Variants in NGEF observed in about 807,000 individuals in gnomAD.
The protein encoded by NGEF is neuronal guanine nucleotide exchange factor.
NGEF carries 31 observed loss-of-function variants against 80.9 expected under a neutral mutation model. That is an observed-to-expected ratio of 0.38 (90% CI 0.29 to 0.52). NGEF has a LOEUF of 0.52. NGEF is among the 20% of genes least tolerant of loss of function. NGEF has a pLI of 0.84. For missense variants in NGEF, 709 were observed against 926.2 expected, an observed-to-expected ratio of 0.77 and a Z score of 3.04; for synonymous variants, 371 against 370.2, an observed-to-expected ratio of 1.00 and a Z score of -0.03.
chr2:232,891,568 C>T, intron 7 of NGEF, 81 bp from the exon 8 acceptor site: 2 of 1,483,002 alleles, frequency 1.3e-6, no homozygotes, highest in South Asian at 2.7e-5. Context: ...TCCACAGCCT[C>T]CCAGGATCCA....
At chr2:232,981,133 C>T (rs1253186496) in intron 1 of NGEF, among the ~76,000 whole-genome samples, 1 of 94,414 alleles carries the variant, frequency 1.1e-5, no homozygotes, top group Non-Finnish European at 2.2e-5. Context: ...TCCCCAGGGC[C>T]GAGGGCCTCC....
At chr2:232,949,356 A>C (rs1693628422) in intron 3 of NGEF, among the ~76,000 whole-genome samples, 1 of 152,194 alleles carries the variant, frequency 6.6e-6, no homozygotes, top group South Asian at 2.1e-4. Context: ...CTGATTTCTG[A>C]GTATCTTCTC....
chr2:232,900,681 GTCAC>G (rs1473833436), intron 5 of NGEF, among the ~76,000 whole-genome samples: 2 of 99,042 alleles, frequency 2.0e-5, no homozygotes, highest in African/African-American at 9.4e-5. Flanking sequence ...CACGCTCTCA[GTCAC>G]TCATATACAC....
chr2:232,942,872 G>GGC (rs1693467823), intron 3 of NGEF, among the ~76,000 whole-genome samples: 1 of 135,074 alleles, frequency 7.4e-6, no homozygotes, highest in African/African-American at 2.7e-5. Context: ...TTTCCGGGGG[G>GGC]GAGTCAGTTT....
chr2:232,962,349 C>G (rs1429439266), intron 3 of NGEF, among the ~76,000 whole-genome samples: 1 of 152,140 alleles, frequency 6.6e-6, no homozygotes, highest in Non-Finnish European at 1.5e-5. Flanking sequence ...CCAGCCTGGT[C>G]AACATGGTGA....
At position 232,885,317 on chromosome 2, in the gene NGEF, A is replaced by G. The variant is rs369986799; in HGVS notation, c.1400T>C (p.Met467Thr). Reference protein sequence around the residue: ...GVRKMSRTEQMISIQKKMEFK... With the variant: ...GVRKMSRTEQTISIQKKMEFK... The stretch of plus-strand genomic sequence containing the variant: ...CTCCATCTTCTTCTGAATGCTGATC[A>G]TCTGTTCCGTGCGGCTCATTTTCCT... Residue 467 changes from methionine to threonine, a missense_variant, in exon 10 of 15, where the codon ATG becomes ACG. Coordinates refer to ENST00000264051, the MANE Select transcript of NGEF (RefSeq NM_019850.3). The G allele has an allele frequency of 2.9e-5, 47 of 1,614,014 alleles. No homozygotes were observed. The highest frequency in any genetic ancestry group is 3.6e-5 in the Non-Finnish European group (43 of 1,180,034).
intron 1 of NGEF, among the ~76,000 whole-genome samples, chr2:232,997,111 C>T (rs1425028092): frequency 3.3e-5 from 5 of 151,656 alleles, no homozygotes; most frequent in African/African-American, 7.3e-5. Context: ...CTCTCAGTGC[C>T]GTGTGGCAGT....
At position 232,970,026 on chromosome 2, in the gene NGEF, A is replaced by G. The variant is rs550291681; in HGVS notation, c.383+188T>C. ...CCCACAAATATTTTTTTAAAAAATT[A>G]CTGTACAAAACAAAAGTTTTTTTTA... is the stretch of plus-strand genomic sequence containing the variant. On this transcript the variant is annotated intron_variant, in intron 3 of 14. Transcript: ENST00000264051. 1.6e-3 allele frequency: 567 copies of G among 351,824 alleles called. 1 individual carries two copies. Among genetic ancestry groups the G allele is most frequent in the African/African-American group, 0.011 (530 of 46,336 alleles). The allele number at this position is 351,824 out of a possible 1,614,324, so 21.8% of individuals were successfully genotyped here.
At chr2:232,911,712 T>G (rs1267835430) in intron 5 of NGEF, among the ~76,000 whole-genome samples, 2 of 152,230 alleles carry the variant, frequency 1.3e-5, no homozygotes, top group East Asian at 3.8e-4. Context: ...AGCACAGAGA[T>G]CCTGTCCATG....
At chr2:232,886,403 TGCTGTGC>T (rs1344477743) in intron 9 of NGEF, among the ~76,000 whole-genome samples, 4 of 151,896 alleles carry the variant, frequency 2.6e-5, no homozygotes, top group Non-Finnish European at 4.4e-5. Flanking sequence ...GGCGTGTATG[TGCTGTGC>T]GTGTGCCGTG....
intron 1 of NGEF, among the ~76,000 whole-genome samples, chr2:233,007,379 ACCCTTTGG>A (rs1354607363): frequency 6.6e-6 from 1 of 152,200 alleles, no homozygotes; most frequent in Non-Finnish European, 1.5e-5. Context: ...TCTAGGAAGA[ACCCTTTGG>A]CCCGCCAGGT....
chr2:232,924,438 T>C (rs1387231900), intron 4 of NGEF, among the ~76,000 whole-genome samples: 2 of 152,062 alleles, frequency 1.3e-5, no homozygotes, highest in Admixed American at 1.3e-4. Flanking sequence ...TTCTGTTGTT[T>C]ATAAGCCATC....
chr2:232,994,280 G>C (rs1574658323), intron 1 of NGEF, among the ~76,000 whole-genome samples: 1 of 151,102 alleles, frequency 6.6e-6, no homozygotes, highest in African/African-American at 2.4e-5. Context: ...TGAGACAGGA[G>C]AATCACTTGA....
chr2:232,886,024 A>G (rs1352479402), intron 9 of NGEF, among the ~76,000 whole-genome samples: 3 of 151,060 alleles, frequency 2.0e-5, no homozygotes, highest in Non-Finnish European at 4.4e-5. Flanking sequence ...CTCCACCTGC[A>G]CTCGAATGCG....
intron 5 of NGEF, among the ~76,000 whole-genome samples, chr2:232,909,335 A>T (rs1692644288): frequency 6.6e-6 from 1 of 152,132 alleles, no homozygotes. Flanking sequence ...TTGGCCCCAA[A>T]CATCTAAATA....
chr2:232,927,958 C>A, intron 3 of NGEF: 2 of 1,324,828 alleles, frequency 1.5e-6, no homozygotes, highest in Non-Finnish European at 1.9e-6. Context: ...TGTCGTGGTC[C>A]ACGGCGCAGG....
At chr2:232,978,128 G>C (rs546015316) in intron 1 of NGEF, among the ~76,000 whole-genome samples, 2 of 151,602 alleles carry the variant, frequency 1.3e-5, no homozygotes, top group South Asian at 4.2e-4. Flanking sequence ...GGGGACCCCC[G>C]GGGCCTCTGT....
At chr2:232,993,106 AATAT>A (rs202123892) in intron 1 of NGEF, among the ~76,000 whole-genome samples, 4 of 100,406 alleles carry the variant, frequency 4.0e-5, no homozygotes, top group Non-Finnish European at 5.6e-5. Context: ...TAAATAAATA[AATAT>A]ATATATATAA....
rs1222676531 is a variant in NGEF, at chr2:232,899,687, TACAC to T, written c.829-4775_829-4772del. Among the ~76,000 whole-genome samples, 156 of 108,994 alleles carry T rather than the reference TACAC, an allele frequency of 1.4e-3. 2 individuals carry two copies. Among genetic ancestry groups the T allele is most frequent in the South Asian group, 2.2e-3 (7 of 3,248 alleles). 71.5% of individuals were successfully genotyped at this position (108,994 alleles called of 152,430 possible). A position where few individuals can be genotyped will look rare whatever the true frequency, so the allele number is the denominator to read the frequency against. On this transcript the variant is annotated intron_variant, in intron 5 of 14. Transcript: ENST00000264051. ...TCACACATGCTCTCACAGTCACTCA[TACAC>T]ACATTCACTCACACACGCTCTCAGT...
Sources: gnomAD v4.1 joint callset for allele counts (sites outside exome capture counted in the v4.1 genomes callset) on GRCh38, gnomAD v4.1.1 for gene constraint, MANE v1.5 for transcripts, NCBI Gene and HGNC (gene_info 2026-07-23, HGNC 2026-07-21) for gene names.